Variants in EEA1 observed in about 807,000 individuals in gnomAD.
EEA1 encodes the protein early endosome antigen 1, 162kD.
Under a neutral mutation model 209.2 loss-of-function variants are expected in EEA1, and 111 were observed. That is an observed-to-expected ratio of 0.53 (90% CI 0.45 to 0.62). The LOEUF (loss-of-function observed/expected upper bound fraction) is 0.62. Among genes scored for constraint, EEA1 ranks in the 20% least tolerant of loss-of-function variants. The pLI is 0.00. For synonymous variants in EEA1, 536 were observed against 540.6 expected (o/e 0.99, Z 0.12); for missense variants, 1,343 against 1,530.8 (o/e 0.88, Z 2.05).
At chr12:92,801,819 G>A in intron 19 of EEA1, 118 bp from the exon 20 acceptor site, 1 of 571,890 alleles carries the variant, frequency 1.7e-6, no homozygotes, top group South Asian at 3.9e-5. Flanking sequence ...GATGAGCTAA[G>A]ATGAGACAGG....
intron 24 of EEA1, 120 bp downstream of exon 24, chr12:92,780,160 A>C: frequency 9.4e-7 from 1 of 1,062,150 alleles, no homozygotes; most frequent in Non-Finnish European, 1.3e-6. Context: ...CAGAAACAAC[A>C]GAACAATTTG....
chr12:92,894,557 T>G (rs1056377065), intron 1 of EEA1, among the ~76,000 whole-genome samples: 5 of 152,120 alleles, frequency 3.3e-5, no homozygotes, highest in Non-Finnish European at 1.5e-5. Context: ...AATGTTTTAG[T>G]GACATGGATA....
At chr12:92,821,552 C>G (rs1386142230) in intron 13 of EEA1, among the ~76,000 whole-genome samples, 2 of 152,104 alleles carry the variant, frequency 1.3e-5, no homozygotes, top group Non-Finnish European at 2.9e-5. Context: ...CTCCATAGAT[C>G]GACGCTACTA....
At chr12:92,785,952 A>G (rs1565807157) in intron 22 of EEA1, among the ~76,000 whole-genome samples, 1 of 152,210 alleles carries the variant, frequency 6.6e-6, no homozygotes, top group Non-Finnish European at 1.5e-5. Context: ...GGCTTAATGA[A>G]AGAATATCAA....
intron 3 of EEA1, among the ~76,000 whole-genome samples, chr12:92,862,742 T>C (rs966119434): frequency 2.4e-4 from 36 of 152,254 alleles, no homozygotes; most frequent in African/African-American, 7.5e-4. Flanking sequence ...TGTAAAAGAA[T>C]ATATGCTGTT....
intron 5 of EEA1, among the ~76,000 whole-genome samples, chr12:92,854,479 T>G (rs894428650): frequency 6.6e-6 from 1 of 152,212 alleles, no homozygotes; most frequent in Middle Eastern, 3.2e-3. Context: ...GAACTTCTCC[T>G]CTCTTCAGTA....
chr12:92,876,311 C>CCT (rs1878881644), intron 2 of EEA1, among the ~76,000 whole-genome samples: 1 of 152,068 alleles, frequency 6.6e-6, no homozygotes, highest in African/African-American at 2.4e-5. Context: ...GATCCTCCCA[C>CCT]CACAGCCTCC....
chr12:92,898,200 G>A (rs1879972389), intron 1 of EEA1, among the ~76,000 whole-genome samples: 1 of 151,876 alleles, frequency 6.6e-6, no homozygotes, highest in South Asian at 2.1e-4. Context: ...CTCAAAGAAG[G>A]GTATAAGATT....
intron 3 of EEA1, chr12:92,859,113 G>C (rs1380965933): frequency 9.6e-7 from 1 of 1,040,896 alleles, no homozygotes; most frequent in Non-Finnish European, 1.5e-6. Flanking sequence ...AGAAGAGTGA[G>C]AGGGAGCTAC....
chr12:92,853,788 C>T, intron 6 of EEA1, 127 bp downstream of exon 6: 1 of 646,416 alleles, frequency 1.5e-6, no homozygotes, highest in South Asian at 3.3e-5. Flanking sequence ...CCATTATCTT[C>T]ACTGTTTTAG....
intron 13 of EEA1, among the ~76,000 whole-genome samples, chr12:92,820,560 T>C (rs1386804876): frequency 6.6e-6 from 1 of 151,934 alleles, no homozygotes; most frequent in Non-Finnish European, 1.5e-5. Context: ...AAAGTCACTC[T>C]GAGGGAGGGG....
At chr12:92,910,759 T>C (rs987028808) in intron 1 of EEA1, among the ~76,000 whole-genome samples, 4 of 152,142 alleles carry the variant, frequency 2.6e-5, no homozygotes, top group African/African-American at 9.7e-5. Flanking sequence ...ATCCAAAATA[T>C]ACAAACAACT....
At chr12:92,824,334 T>A (rs1452105262) in intron 13 of EEA1, among the ~76,000 whole-genome samples, 1 of 152,256 alleles carries the variant, frequency 6.6e-6, no homozygotes, top group African/African-American at 2.4e-5. Flanking sequence ...CTTCTACTTA[T>A]GTACCTATAC....
chr12:92,851,942 T>C (rs553439293), intron 8 of EEA1, among the ~76,000 whole-genome samples: 18 of 152,224 alleles, frequency 1.2e-4, no homozygotes, highest in African/African-American at 4.3e-4. Flanking sequence ...TGACAGATGA[T>C]ATTTAGATAG....
intron 2 of EEA1, among the ~76,000 whole-genome samples, chr12:92,888,765 A>C (rs964473432): frequency 2.0e-5 from 3 of 152,200 alleles, no homozygotes; most frequent in Non-Finnish European, 2.9e-5. Context: ...CCACAATATA[A>C]GTTAGGAAGT....
chr12:92,780,243 AAC>A, intron 24 of EEA1, 35 bp downstream of exon 24: 1 of 1,573,038 alleles, frequency 6.4e-7, no homozygotes, highest in African/African-American at 1.4e-5. Flanking sequence ...AGAGCAATAT[AAC>A]ACAGAAGGCA....
intron 21 of EEA1, among the ~76,000 whole-genome samples, chr12:92,794,801 A>C (rs1044809854): frequency 6.6e-6 from 1 of 152,098 alleles, no homozygotes; most frequent in African/African-American, 2.4e-5. Context: ...TGATGGGTGC[A>C]GCAAACCAAC....
chr12:92,813,447 C>T (rs1875619679), intron 15 of EEA1, among the ~76,000 whole-genome samples: 1 of 152,076 alleles, frequency 6.6e-6, no homozygotes, highest in East Asian at 1.9e-4. Context: ...AAGTAAATAA[C>T]CATGCCCCAA....
intron 19 of EEA1, 150 bp downstream of exon 19, chr12:92,802,254 G>A: frequency 1.4e-6 from 1 of 709,880 alleles, no homozygotes; most frequent in Non-Finnish European, 2.2e-6. Context: ...TTCTTCTCAG[G>A]TTAAGCAATC....
Sources: allele counts gnomAD v4.1 joint callset (sites outside exome capture counted in the v4.1 genomes callset), GRCh38; gene constraint gnomAD v4.1.1; transcripts MANE v1.5; gene names NCBI Gene and HGNC (gene_info 2026-07-23, HGNC 2026-07-21).